The following CLN8 variants were observed in gnomAD, a reference collection of about 807,000 sequenced individuals.
The protein encoded by CLN8 is protein CLN8.
CLN8 carries 14 observed loss-of-function variants against 15.7 expected under a neutral mutation model. That is an observed-to-expected ratio of 0.89 (90% CI 0.59 to 1.39). The LOEUF (loss-of-function observed/expected upper bound fraction) is 1.39, where lower values mean the gene tolerates loss of function less well. CLN8 is among the 40% of genes most tolerant of loss of function. The probability of loss-of-function intolerance (pLI) is 0.00; values close to 1 mark genes in which losing one functional copy is unlikely to be tolerated. For missense variants in CLN8, 415 were observed against 364.0 expected, an observed-to-expected ratio of 1.14 and a Z score of -1.14; for synonymous variants, 188 against 151.0, an observed-to-expected ratio of 1.25 and a Z score of -1.80.
intron 1 of CLN8, among the ~76,000 whole-genome samples, chr8:1,766,240 C>T (rs546232394): frequency 1.3e-5 from 2 of 152,272 alleles, no homozygotes; most frequent in Admixed American, 6.5e-5. Flanking sequence ...AGATCTGCAG[C>T]GTCAAGAGAT....
chr8:1,780,163 G>C (rs1801666035), intron 2 of CLN8, 87 bp from the exon 3 acceptor site: 2 of 1,609,696 alleles, frequency 1.2e-6, no homozygotes, highest in Non-Finnish European at 1.7e-6. Flanking sequence ...TGTTTGGTAA[G>C]TAAGGTAGCA....
chr8:1,776,916 C>G (rs981046583), intron 2 of CLN8, among the ~76,000 whole-genome samples: 28 of 152,178 alleles, frequency 1.8e-4, no homozygotes, highest in Non-Finnish European at 4.0e-4. Flanking sequence ...GGGCAGCAGT[C>G]TGGATGGTTT....
At chr8:1,765,036 T>G (rs1800992261) in intron 1 of CLN8, 2 of 152,260 alleles carry the variant, frequency 1.3e-5, no homozygotes, top group Non-Finnish European at 2.9e-5. Flanking sequence ...AGCTCCCCAC[T>G]GAGCTTGAAC....
rs1801763011 is a variant in CLN8, at chr8:1,783,743, C to T, written c.*3176C>T. ...TATTGCGCTTAAGGGACATGATTTT[C>T]CATTTTCTTCGCCCGGACAACTTGA... On this transcript the variant is annotated 3_prime_UTR_variant, in exon 3 of 3. Transcript: ENST00000331222. 6.6e-6 allele frequency: 1 copy of T among 152,158 alleles called. No individual in the cohort carries two copies. The highest frequency in any genetic ancestry group is 1.5e-5 in the Non-Finnish European group (1 of 68,062). 9.4% of individuals were successfully genotyped at this position (152,158 alleles called of 1,614,324 possible).
intron 2 of CLN8, among the ~76,000 whole-genome samples, chr8:1,776,056 T>C (rs2129013726): frequency 6.6e-6 from 1 of 151,902 alleles, no homozygotes; most frequent in South Asian, 2.1e-4. Context: ...AAGCTGAGTC[T>C]GTGAGGGGCA....
chr8:1,774,119 A>G (rs1801420394), intron 2 of CLN8, among the ~76,000 whole-genome samples: 1 of 152,196 alleles, frequency 6.6e-6, no homozygotes. Context: ...TCCTGGAGCC[A>G]GGTGTGGGGA....
intron 2 of CLN8, among the ~76,000 whole-genome samples, chr8:1,772,482 G>A (rs749794368): frequency 4.6e-5 from 7 of 151,856 alleles, no homozygotes; most frequent in Admixed American, 6.6e-5. Context: ...CTTTTGAGAC[G>A]GAATCTTGCT....
intron 2 of CLN8, 132 bp from the exon 3 acceptor site, chr8:1,780,118 G>C (rs1801662916): frequency 8.5e-6 from 13 of 1,535,434 alleles, no homozygotes; most frequent in Non-Finnish European, 1.1e-5. Flanking sequence ...AGAGCCCTGG[G>C]GAGGAAATTC....
rs776409703 is a variant in CLN8, at chr8:1,771,260, C to T, written c.206C>T (p.Thr69Met). The stretch of plus-strand genomic sequence containing the variant: ...AAGGTCTTCTGGGACCTGGCGGCCA[C>T]GCGTGCAGTCTTTGGTGTTCAGAGC... ...REKVFWDLAATRAVFGVQSTA... is the reference protein window; with the variant it reads ...REKVFWDLAAMRAVFGVQSTA... The change falls in exon 2 of 3, where the codon ACG becomes ATG. Residue 69 changes from threonine to methionine, a missense_variant. Coordinates refer to ENST00000331222, the MANE Select transcript of CLN8 (RefSeq NM_018941.4). 9 of 1,613,588 alleles carry T rather than the reference C, an allele frequency of 5.6e-6. No homozygotes were observed. The African/African-American group carries it at 6.7e-5, about 12-fold the overall frequency.
At chr8:1,775,520 C>T (rs1417002849) in intron 2 of CLN8, among the ~76,000 whole-genome samples, 1 of 152,210 alleles carries the variant, frequency 6.6e-6, no homozygotes, top group Non-Finnish European at 1.5e-5. Context: ...AACCAAAGAA[C>T]TCTTCGGTTC....
intron 2 of CLN8, among the ~76,000 whole-genome samples, chr8:1,771,806 G>A (rs2130993499): frequency 6.6e-6 from 1 of 152,120 alleles, no homozygotes; most frequent in South Asian, 2.1e-4. Context: ...CCAGGCTGGA[G>A]GCAATTTTCT....
upstream of CLN8, chr8:1,762,533 G>C (rs1320490907): frequency 6.6e-6 from 1 of 152,154 alleles, no homozygotes; most frequent in Non-Finnish European, 1.5e-5. Context: ...CATGTTCTTA[G>C]ACAATCCTAG....
upstream of CLN8, among the ~76,000 whole-genome samples, chr8:1,753,174 C>T (rs1189899858): frequency 2.6e-5 from 4 of 152,310 alleles, no homozygotes; most frequent in Middle Eastern, 3.4e-3. Flanking sequence ...GCAAGGTGTG[C>T]AGCTCCTCAC....
At chr8:1,771,672 C>A in intron 2 of CLN8, 75 bp downstream of exon 2, 2 of 1,381,896 alleles carry the variant, frequency 1.4e-6, no homozygotes, top group Non-Finnish European at 1.0e-6. Context: ...CTGGACGCTG[C>A]CATAAACTCA....
At chr8:1,765,479 A>C (rs7009068) in intron 1 of CLN8, among the ~76,000 whole-genome samples, 2,646 of 152,308 alleles carry the variant, frequency 0.017, 95 homozygotes, top group African/African-American at 0.061. Context: ...TTGTGTATTA[A>C]ACATGTATTT....
chr8:1,755,874 A>C (rs1360437412), exon 1 of CLN8: 1 of 152,214 alleles, frequency 6.6e-6, no homozygotes. Context: ...CGGATTCCCT[A>C]TGAGACGGAG....
At chr8:1,769,623 C>T (rs889834365) in intron 1 of CLN8, among the ~76,000 whole-genome samples, 1 of 152,166 alleles carries the variant, frequency 6.6e-6, no homozygotes, top group African/African-American at 2.4e-5. Flanking sequence ...CCTATGTCAT[C>T]GTTGTGTGCC....
At chr8:1,764,543 G>C (rs939312367) in intron 1 of CLN8, 1 of 152,748 alleles carries the variant, frequency 6.5e-6, no homozygotes, top group African/African-American at 2.4e-5. Flanking sequence ...ACTGGTCACC[G>C]AGTTAGCTGG....
chr8:1,776,028 C>G (rs560037228), intron 2 of CLN8, among the ~76,000 whole-genome samples: 2 of 152,156 alleles, frequency 1.3e-5, no homozygotes, highest in African/African-American at 4.8e-5. Context: ...CTCCAGCACA[C>G]ACGATAGAAG....
Sources: gnomAD v4.1 joint callset for allele counts (sites outside exome capture counted in the v4.1 genomes callset) on GRCh38, gnomAD v4.1.1 for gene constraint, MANE v1.5 for transcripts, NCBI Gene and HGNC (gene_info 2026-07-23, HGNC 2026-07-21) for gene names.